ALMS1: variants seen among roughly 807,000 people sequenced by gnomAD.
ALMS1 encodes the protein ALMS1 centrosome and basal body associated protein.
Under a neutral mutation model 352.2 loss-of-function variants are expected in ALMS1, and 271 were observed. That is an observed-to-expected ratio of 0.77 (90% CI 0.70 to 0.85). The LOEUF (loss-of-function observed/expected upper bound fraction) is 0.85. Ranked by LOEUF, ALMS1 falls within the 40% of genes least tolerant of loss-of-function variation. The pLI, the probability that ALMS1 is intolerant of heterozygous loss-of-function variation, is 0.00. For missense variants in ALMS1, 5,445 were observed against 4,870.7 expected (o/e 1.12, Z -3.51); for synonymous variants, 1,865 against 1,761.2 (o/e 1.06, Z -1.48).
Position 73,553,310 on chromosome 2 carries a change from G to A in ALMS1, c.10078+2873G>A, listed in dbSNP as rs560856614. On this transcript the variant is annotated intron_variant, in intron 13 of 22. Coordinates refer to ENST00000613296, the MANE Select transcript of ALMS1 (RefSeq NM_001378454.1). Reference sequence around the variant, plus strand: ...TTATTTAAGTTACAAAAGAAGGAAAGAAAGAAAACATGGTGGGATTGAGGA... The same window carrying A: ...TTATTTAAGTTACAAAAGAAGGAAAAAAAGAAAACATGGTGGGATTGAGGA... Among the ~76,000 whole-genome samples, 367 of 152,226 alleles carry A rather than the reference G, an allele frequency of 2.4e-3. 2 individuals carry two copies. Among genetic ancestry groups the A allele is most frequent in the African/African-American group, 7.8e-3 (324 of 41,540 alleles).
In ALMS1 at chr2:73,452,153, A is replaced by G. The variant is rs6546838; in HGVS notation, c.5626A>G (p.Ile1876Val). The G allele has an allele frequency of 0.26, 414,316 of 1,613,200 alleles. 65,890 individuals carry two copies. Among genetic ancestry groups the G allele is most frequent in the African/African-American group, 0.76 (56,987 of 74,886 alleles). Residue 1876 changes from isoleucine to valine, a missense_variant, in exon 8 of 23, where the codon ATA becomes GTA. Ile to Val is a conservative substitution (Grantham distance 29). Coordinates refer to ENST00000613296, the MANE Select transcript of ALMS1 (RefSeq NM_001378454.1). ...PDLTEVTLKAIGVPGPADQKT... is the reference protein window; with the variant it reads ...PDLTEVTLKAVGVPGPADQKT... Reference sequence around the variant, plus strand: ...TCTTACTGAAGTAACTTTGAAAGCAATAGGGGTTCCTGGGCCTGCTGACCA... The same window carrying G: ...TCTTACTGAAGTAACTTTGAAAGCAGTAGGGGTTCCTGGGCCTGCTGACCA...
chr2:73,407,795 T>G (rs1047059974), intron 1 of ALMS1, among the ~76,000 whole-genome samples: 4 of 152,168 alleles, frequency 2.6e-5, no homozygotes, highest in African/African-American at 9.7e-5. Context: ...TGACCTCAGG[T>G]AATCCTCCTG....
chr2:73,546,306 T>C (rs943892457), intron 12 of ALMS1, among the ~76,000 whole-genome samples: 7 of 152,240 alleles, frequency 4.6e-5, no homozygotes, highest in Non-Finnish European at 8.8e-5. Context: ...TCTTTTATTG[T>C]TTCCTTCATA....
At chr2:73,523,913 A>G (rs756398029) in intron 11 of ALMS1, among the ~76,000 whole-genome samples, 35 of 152,228 alleles carry the variant, frequency 2.3e-4, no homozygotes, top group Non-Finnish European at 3.2e-4. Flanking sequence ...GTTACAGGAT[A>G]TAAGAGAAAA....
intron 21 of ALMS1, among the ~76,000 whole-genome samples, chr2:73,607,681 A>T (rs187403625): frequency 1.3e-5 from 2 of 151,740 alleles, no homozygotes; most frequent in East Asian, 3.9e-4. Flanking sequence ...TCACTTTATC[A>T]CCCAGCTGTA....
At chr2:73,605,501 G>A (rs555695767) in intron 21 of ALMS1, among the ~76,000 whole-genome samples, 1 of 152,308 alleles carries the variant, frequency 6.6e-6, no homozygotes, top group South Asian at 2.1e-4. Flanking sequence ...TAACAGAATA[G>A]GAAAAGTTTA....
At chr2:73,554,743 A>AG (rs2104049239) in intron 13 of ALMS1, among the ~76,000 whole-genome samples, 1 of 152,208 alleles carries the variant, frequency 6.6e-6, no homozygotes, top group Admixed American at 6.5e-5. Context: ...AGGAAGAATG[A>AG]GGGGAGCGTG....
intron 8 of ALMS1, 110 bp downstream of exon 8, chr2:73,454,177 GAA>G: frequency 6.7e-7 from 1 of 1,485,582 alleles, no homozygotes; most frequent in Non-Finnish European, 8.9e-7. Flanking sequence ...GCAAGATCAA[GAA>G]AAAAAATGAA....
At chr2:73,592,512 T>C (rs549759530) in intron 16 of ALMS1, among the ~76,000 whole-genome samples, 9 of 152,190 alleles carry the variant, frequency 5.9e-5, no homozygotes, top group Non-Finnish European at 1.3e-4. Flanking sequence ...CTCTGACTGT[T>C]TTATCAATGT....
chr2:73,495,888 C>A (rs1673095899), intron 10 of ALMS1, among the ~76,000 whole-genome samples: 1 of 152,122 alleles, frequency 6.6e-6, no homozygotes, highest in African/African-American at 2.4e-5. Flanking sequence ...TAAATAGTTT[C>A]AGAATTCATA....
rs905031691 is a variant in ALMS1 at position 73,609,721 on chromosome 2, G to A, written c.*109G>A. The A allele has an allele frequency of 3.1e-5, 35 of 1,133,474 alleles. No individual in the cohort carries two copies. Among genetic ancestry groups the A allele is most frequent in the Middle Eastern group, 2.1e-4 (1 of 4,856 alleles). The allele number at this position is 1,133,474 out of a possible 1,614,324, so 70.2% of individuals were successfully genotyped here. On this transcript the variant is annotated 3_prime_UTR_variant, in exon 23 of 23. Coordinates refer to ENST00000613296, the MANE Select transcript of ALMS1 (RefSeq NM_001378454.1). ...AATAAAGCTTATTCTTTGTCCATGT[G>A]TATTTTAGAAATAGTAACTTCTAAA...
chr2:73,484,226 C>A (rs947774487), intron 9 of ALMS1, among the ~76,000 whole-genome samples: 1 of 151,582 alleles, frequency 6.6e-6, no homozygotes, highest in African/African-American at 2.4e-5. Context: ...TGTTCCTTTC[C>A]ATGTTTAGTG....
chr2:73,449,012 C>T lies in ALMS1; in HGVS notation c.2485C>T (p.His829Tyr), dbSNP rs772252902. 6.2e-7 allele frequency: 1 copy of T among 1,614,012 alleles called. No individual in the cohort carries two copies. Among genetic ancestry groups the T allele is most frequent in the Admixed American group, 1.7e-5 (1 of 60,002 alleles). ...VFYQQALLDS[H>Y]LPEEALKVSA... ...CTACCAACAGGCCTTGCTGGACAGCCATCTACCCGAAGAGGCTCTGAAAGT... is the reference window on the plus strand; with the variant it reads ...CTACCAACAGGCCTTGCTGGACAGCTATCTACCCGAAGAGGCTCTGAAAGT... The change falls in exon 8 of 23, where the codon CAT becomes TAT. Residue 829 changes from histidine to tyrosine, a missense_variant. Coordinates refer to ENST00000613296, the MANE Select transcript of ALMS1 (RefSeq NM_001378454.1).
intron 9 of ALMS1, among the ~76,000 whole-genome samples, chr2:73,466,006 G>T (rs1351092502): frequency 3.2e-5 from 1 of 31,566 alleles, no homozygotes; most frequent in East Asian, 1.1e-3. Context: ...AGAGGATGTG[G>T]AGAAATAGGA....
intron 12 of ALMS1, among the ~76,000 whole-genome samples, chr2:73,547,051 C>T (rs989729823): frequency 1.3e-5 from 2 of 152,076 alleles, no homozygotes; most frequent in East Asian, 1.9e-4. Flanking sequence ...TAGTAGAAAC[C>T]GTACTTCAGT....
rs1438099503 is a variant in ALMS1, at chr2:73,573,187, T to C, written c.11310T>C (p.Asp3770=). The stretch of plus-strand genomic sequence containing the variant: ...AATCAGATATATTGACCCAAACAGA[T>C]AGAGAGGTGGCTCTGCACGAAAGGA... ...TVESDILTQT[D]REVALHERSS... is the part of the protein sequence containing the mutation. Residue 3770 remains aspartate (D), a synonymous_variant, in exon 16 of 23, where the codon GAT becomes GAC. Coordinates refer to ENST00000613296, the MANE Select transcript of ALMS1 (RefSeq NM_001378454.1). The C allele has an allele frequency of 3.7e-6, 6 of 1,612,578 alleles. No individual in the cohort carries two copies. The Admixed American group carries it at 6.7e-5, about 18-fold the overall frequency.
intron 10 of ALMS1, among the ~76,000 whole-genome samples, chr2:73,513,172 G>T (rs2103948094): frequency 6.6e-6 from 1 of 152,124 alleles, no homozygotes; most frequent in East Asian, 1.9e-4. Context: ...CTGTCTCCTT[G>T]GGTGGATGCT....
At chr2:73,486,548 A>G (rs966865513) in intron 9 of ALMS1, among the ~76,000 whole-genome samples, 1 of 152,120 alleles carries the variant, frequency 6.6e-6, no homozygotes, top group African/African-American at 2.4e-5. Flanking sequence ...GTCTGTGTCC[A>G]TTGTTCCTGG....
Position 73,491,251 on chromosome 2 carries a change from A to C in ALMS1, c.9292A>C (p.Thr3098Pro). ...HTVSSRSLEPTSKLLTSKPVA... is the reference protein window; with the variant it reads ...HTVSSRSLEPPSKLLTSKPVA... ...TGTATCTTCGAGATCACTGGAACCA[A>C]CCTCCAAATTATTGACCAGTAAACC... is the stretch of plus-strand genomic sequence containing the variant. Residue 3098 changes from threonine to proline, a missense_variant, in exon 10 of 23, where the codon ACC becomes CCC. Physicochemically the swap from Thr to Pro is conservative, Grantham distance 38. Coordinates refer to ENST00000613296, the MANE Select transcript of ALMS1 (RefSeq NM_001378454.1). The C allele has an allele frequency of 6.2e-7, 1 of 1,614,086 alleles. No homozygotes were observed. The highest frequency in any genetic ancestry group is 8.5e-7 in the Non-Finnish European group (1 of 1,179,986).
Sources: gnomAD v4.1 joint callset for allele counts (sites outside exome capture counted in the v4.1 genomes callset) on GRCh38, gnomAD v4.1.1 for gene constraint, MANE v1.5 for transcripts, NCBI Gene and HGNC (gene_info 2026-07-23, HGNC 2026-07-21) for gene names.